The following MIB1 variants were observed in gnomAD, a reference collection of about 807,000 sequenced individuals.
The protein encoded by MIB1 is E3 ubiquitin-protein ligase MIB1.
In MIB1, 278 loss-of-function variants were observed where a neutral mutation model predicts 124.5. The observed-to-expected ratio is 2.23, with a 90% CI of 2.02 to 2.47. The LOEUF is 2.47. Among genes scored for constraint, MIB1 ranks in the 30% most tolerant of loss-of-function variants. The pLI is 0.00. For missense variants in MIB1, 957 were observed against 1,254.4 expected (o/e 0.76, Z 3.58); for synonymous variants, 446 against 429.4 (o/e 1.04, Z -0.48).
chr18:21,835,801 C>CCACACACACA (rs774725850), intron 12 of MIB1, among the ~76,000 whole-genome samples: 29 of 101,574 alleles, frequency 2.9e-4, no homozygotes, highest in African/African-American at 5.8e-4. Flanking sequence ...ATATATATAT[C>CCACACACACA]CACACACACA....
intron 12 of MIB1, among the ~76,000 whole-genome samples, chr18:21,835,550 G>T (rs11874021): frequency 0.097 from 14,756 of 151,498 alleles, 829 homozygotes; most frequent in African/African-American, 0.15. Flanking sequence ...GGTGGATCAC[G>T]AGGTCAGGAG....
intron 1 of MIB1, among the ~76,000 whole-genome samples, chr18:21,764,225 G>A (rs555992276): frequency 2.0e-4 from 30 of 152,006 alleles, no homozygotes; most frequent in Admixed American, 3.9e-4. Flanking sequence ...TCAGGTGTTC[G>A]TTCCCTTCCT....
At position 21,741,800 on chromosome 18, in the gene MIB1, A is replaced by G; in HGVS notation, c.217A>G (p.Ser73Gly). Residue 73 changes from serine to glycine, a missense_variant, in exon 1 of 21, where the codon AGC becomes GGC. Transcript: ENST00000261537. This position sits in a 1 kb window ranked among gnomAD's most constrained non-coding sequence, Gnocchi z 5.4. ...GGCTTACGACCTCCGCATCCTGGAC[A>G]GCGCGCCCACCGGTAAGCCGCGGCC... ...SGAYDLRILDSAPTGIKHDGT... is the reference protein window; with the variant it reads ...SGAYDLRILDGAPTGIKHDGT... 2 of 1,601,608 alleles carry G rather than the reference A, an allele frequency of 1.2e-6. No homozygotes were observed. The highest frequency in any genetic ancestry group is 2.3e-5 in the East Asian group (1 of 44,292).
In MIB1 at chr18:21,741,646, C is replaced by T; in HGVS notation, c.63C>T (p.Gly21=). The part of the protein sequence containing the change: ...VEGVGARVVR[G]PDWKWGKQDG... ...GGGTTGGCGCTCGGGTAGTGCGCGGCCCGGACTGGAAGTGGGGGAAGCAGG... is the reference window on the plus strand; with the variant it reads ...GGGTTGGCGCTCGGGTAGTGCGCGGTCCGGACTGGAAGTGGGGGAAGCAGG... Residue 21 remains glycine (G), a synonymous_variant, in exon 1 of 21, where the codon GGC becomes GGT. Coordinates refer to ENST00000261537, the MANE Select transcript of MIB1 (RefSeq NM_020774.4). This position sits in a 1 kb window ranked among gnomAD's most constrained non-coding sequence, Gnocchi z 5.4. The T allele has an allele frequency of 1.2e-6, 2 of 1,610,034 alleles. No homozygotes were observed. The highest frequency in any genetic ancestry group is 2.2e-5 in the East Asian group (1 of 44,464).
intron 1 of MIB1, among the ~76,000 whole-genome samples, chr18:21,752,687 CCGT>C (rs2040988736): frequency 6.6e-6 from 1 of 152,070 alleles, no homozygotes; most frequent in African/African-American, 2.4e-5. Flanking sequence ...TACAGTAAAT[CCGT>C]ACAACCACTT....
chr18:21,865,905 T>TAAAAACAAACCAA lies in MIB1; in HGVS notation c.*1249_*1250insCAAAAAAACAAAC, dbSNP rs146036337. 3 of 151,684 alleles carry TAAAAACAAACCAA rather than the reference T, an allele frequency of 2.0e-5. No homozygotes were observed. Among genetic ancestry groups the TAAAAACAAACCAA allele is most frequent in the African/African-American group, 7.3e-5 (3 of 41,254 alleles). The allele number at this position is 151,684 out of a possible 1,614,324, so 9.4% of individuals were successfully genotyped here. ...GAAATGTCTGCTTACCTGTAGACTT[T>TAAAAACAAACCAA]AAAAACAAACAAAATTTTTGGAGCA... On this transcript the variant is annotated 3_prime_UTR_variant, in exon 21 of 21. Coordinates refer to ENST00000261537, the MANE Select transcript of MIB1 (RefSeq NM_020774.4).
At chr18:21,754,381 A>C (rs2041007709) in intron 1 of MIB1, among the ~76,000 whole-genome samples, 1 of 152,246 alleles carries the variant, frequency 6.6e-6, no homozygotes, top group East Asian at 1.9e-4. Flanking sequence ...TATTCTGAAT[A>C]GTGTGATGAA....
chr18:21,748,096 T>C (rs1005474949), intron 1 of MIB1, among the ~76,000 whole-genome samples: 1 of 152,176 alleles, frequency 6.6e-6, no homozygotes, highest in Non-Finnish European at 1.5e-5. Context: ...AAGAAATTTG[T>C]CCAGTCACAA....
rs1362895788 is a variant in MIB1, at chr18:21,840,651, ATATATATATATATATTT to A, written c.1962+2156_1962+2172del. On this transcript the variant is annotated intron_variant, in intron 13 of 20. Coordinates refer to ENST00000261537, the MANE Select transcript of MIB1 (RefSeq NM_020774.4). ...TGTATATATATATATATATATATAT[ATATATATATATATATTT>A]TTTTTTTTTTTTAATTAGCTGGGTG... Among the ~76,000 whole-genome samples the A allele has an allele frequency of 4.4e-3, 375 of 84,558 alleles. 10 individuals carry two copies. Among genetic ancestry groups the A allele is most frequent in the African/African-American group, 0.018 (221 of 12,416 alleles). The allele number at this position is 84,558 out of a possible 152,430, so 55.5% of individuals were successfully genotyped here. A position where few individuals can be genotyped will look rare whatever the true frequency, so the allele number is the denominator to read the frequency against.
At chr18:21,791,282 A>G in intron 6 of MIB1, 92 bp from the exon 7 acceptor site, 1 of 960,966 alleles carries the variant, frequency 1.0e-6, no homozygotes, top group Non-Finnish European at 1.5e-6. Flanking sequence ...ATTGCAAAGG[A>G]TTGCCTTACT....
intron 1 of MIB1, among the ~76,000 whole-genome samples, chr18:21,706,944 T>C (rs1427794672): frequency 6.6e-6 from 1 of 152,230 alleles, no homozygotes; most frequent in Non-Finnish European, 1.5e-5. Context: ...GCGGCTCCCC[T>C]GTGGGATCCA....
rs573330313 is a variant in MIB1 at position 21,765,893 on chromosome 18, A to C, written c.351A>C (p.Lys117Asn). The change falls in exon 2 of 21, where the codon AAA becomes AAC. Residue 117 changes from lysine to asparagine, a missense_variant. Transcript: ENST00000261537. ...GCACAGTGTGTTATCATGGAGATAA[A>C]CATCATTTAAGACATCGCTTTTACC... The part of the protein sequence containing the change: ...DLCTVCYHGD[K>N]HHLRHRFYRI... 6.2e-7 allele frequency: 1 copy of C among 1,614,160 alleles called. No individual in the cohort carries two copies. Among genetic ancestry groups the C allele is most frequent in the East Asian group, 2.2e-5 (1 of 44,880 alleles).
At chr18:21,863,303 G>A (rs1003886265) in intron 20 of MIB1, among the ~76,000 whole-genome samples, 3 of 152,328 alleles carry the variant, frequency 2.0e-5, no homozygotes, top group African/African-American at 7.2e-5. Context: ...GCTGCCCTCC[G>A]CCAGTGAGGG....
rs985634174 is a variant in MIB1, at chr18:21,858,729, G to A, written c.2880+83G>A. ...AAAACTACTAGTGTTTCTGTAATAA[G>A]TATGGTTTATATTAGTGTATCACTT... On this transcript the variant is annotated intron_variant, in intron 20 of 20. Transcript: ENST00000261537. 6.6e-6 allele frequency: 5 copies of A among 756,086 alleles called. No homozygotes were observed. In the Admixed American group the frequency reaches 7.5e-5, roughly 11 times the overall value. 46.8% of individuals were successfully genotyped at this position (756,086 alleles called of 1,614,324 possible). A position where few individuals can be genotyped will look rare whatever the true frequency, so the allele number is the denominator to read the frequency against.
chr18:21,761,048 T>C (rs1263913208), intron 1 of MIB1, among the ~76,000 whole-genome samples: 3 of 152,212 alleles, frequency 2.0e-5, no homozygotes, highest in African/African-American at 4.8e-5. Flanking sequence ...GATACAGTTA[T>C]TAGAATCTGA....
In MIB1 at chr18:21,857,542, T is replaced by C. The variant is rs73430120; in HGVS notation, c.2779+299T>C. ...TTTGTGCTCTATTTTTAAGATGAAA[T>C]TTAGTGTGTTTTGTCAAGGGGTGGG... On this transcript the variant is annotated intron_variant, in intron 19 of 20. Transcript: ENST00000261537. 0.019 allele frequency among the ~76,000 whole-genome samples: 2,888 copies of C among 152,352 alleles called. 93 individuals are homozygous for C. The highest frequency in any genetic ancestry group is 0.066 in the African/African-American group (2,748 of 41,582).
At chr18:21,791,345 C>T in intron 6 of MIB1, 29 bp from the exon 7 acceptor site, 2 of 1,548,546 alleles carry the variant, frequency 1.3e-6, no homozygotes, top group Admixed American at 2.0e-5. Context: ...CAAAGCTACC[C>T]ATTTTGAGGT....
intron 10 of MIB1, among the ~76,000 whole-genome samples, chr18:21,806,643 C>T (rs1245532902): frequency 2.7e-5 from 4 of 146,536 alleles, no homozygotes; most frequent in South Asian, 2.1e-4. Flanking sequence ...TTTTTTGAGA[C>T]GGAGTCTTGC....
intron 1 of MIB1, among the ~76,000 whole-genome samples, chr18:21,727,636 T>C (rs1324344581): frequency 6.6e-6 from 1 of 152,148 alleles, no homozygotes; most frequent in East Asian, 1.9e-4. Context: ...TGGTGACACA[T>C]GCCTGTAGTC....
Sources: gnomAD v4.1 joint callset for allele counts (sites outside exome capture counted in the v4.1 genomes callset) on GRCh38, gnomAD v4.1.1 for gene constraint, Gnocchi (gnomAD v3.1) non-coding constraint, MANE v1.5 for transcripts, NCBI Gene and HGNC (gene_info 2026-07-23, HGNC 2026-07-21) for gene names.